Variants in ERBB4 observed in about 807,000 individuals in gnomAD.
ERBB4 encodes the protein erb-b2 receptor tyrosine kinase 4.
A neutral mutation model predicts 158.0 loss-of-function variants in ERBB4; 42 were observed. The ratio of observed to expected loss-of-function variants is 0.27; its 90% CI spans 0.21 to 0.34. The LOEUF (loss-of-function observed/expected upper bound fraction) is 0.34. ERBB4 is among the 10% of genes least tolerant of loss of function. The pLI, the probability that ERBB4 is intolerant of heterozygous loss-of-function variation, is 1.00. For missense variants in ERBB4, 1,333 were observed against 1,624.1 expected (o/e 0.82, Z 3.08); for synonymous variants, 583 against 558.7 (o/e 1.04, Z -0.61).
intron 8 of ERBB4, among the ~76,000 whole-genome samples, chr2:211,712,681 C>T (rs2073744682): frequency 1.3e-5 from 2 of 151,780 alleles, no homozygotes; most frequent in African/African-American, 2.4e-5. Context: ...GAATTATAAC[C>T]AAAATCAAGG....
rs1198209885 is a variant in ERBB4 at position 211,430,935 on chromosome 2, A to C, written c.2643+10T>G. On this transcript the variant is annotated intron_variant, in intron 21 of 27. Transcript: ENST00000342788. ...TTTTCAAGCAAGATTGCTCTCAAAAAGATACCCACCTTTCCTCCATCAGCA... is the reference window on the plus strand; with the variant it reads ...TTTTCAAGCAAGATTGCTCTCAAAACGATACCCACCTTTCCTCCATCAGCA... 6.2e-7 allele frequency: 1 copy of C among 1,610,128 alleles called. No individual in the cohort carries two copies. Among genetic ancestry groups the C allele is most frequent in the South Asian group, 1.1e-5 (1 of 90,992 alleles).
At chr2:212,148,513 C>G (rs2080758529) in intron 1 of ERBB4, among the ~76,000 whole-genome samples, 1 of 151,964 alleles carries the variant, frequency 6.6e-6, no homozygotes. Context: ...TAGGTACTTT[C>G]AAAGAGCTGA....
intron 3 of ERBB4, among the ~76,000 whole-genome samples, chr2:211,809,546 C>T (rs1269398103): frequency 6.6e-6 from 1 of 152,186 alleles, no homozygotes; most frequent in Non-Finnish European, 1.5e-5. Flanking sequence ...TCCCCTTTAT[C>T]GTTTTTTATT....
At chr2:212,287,300 C>G (rs543419520) in intron 1 of ERBB4, among the ~76,000 whole-genome samples, 3 of 152,110 alleles carry the variant, frequency 2.0e-5, no homozygotes. Context: ...GCCAGTCACA[C>G]TTGTAAGAGT....
At position 212,323,296 on chromosome 2, in the gene ERBB4, A is replaced by G. The variant is rs1435811030; in HGVS notation, c.83-198393T>C. ...TTTTCTCCAAATTAGCCATCATCCT[A>G]TCTAAGCTCAGTTGCTTTTGATGAA... On this transcript the variant is annotated intron_variant, in intron 1 of 27. Coordinates refer to ENST00000342788, the MANE Select transcript of ERBB4 (RefSeq NM_005235.3). Among the ~76,000 whole-genome samples the G allele has an allele frequency of 2.0e-5, 3 of 150,534 alleles. 1 individual carries two copies. The highest frequency in any genetic ancestry group is 4.5e-5 in the Non-Finnish European group (3 of 67,166).
At chr2:211,855,005 T>G (rs1477445427) in intron 3 of ERBB4, among the ~76,000 whole-genome samples, 2 of 152,144 alleles carry the variant, frequency 1.3e-5, no homozygotes, top group Non-Finnish European at 2.9e-5. Context: ...CATTCCTCCA[T>G]GTACTCAACA....
chr2:211,539,343 C>G (rs976589781), intron 20 of ERBB4, among the ~76,000 whole-genome samples: 2 of 151,878 alleles, frequency 1.3e-5, no homozygotes, highest in Non-Finnish European at 2.9e-5. Flanking sequence ...ATTGTAAAAA[C>G]TTTGCAAATG....
intron 2 of ERBB4, among the ~76,000 whole-genome samples, chr2:212,056,047 G>A (rs928779722): frequency 3.9e-5 from 6 of 152,276 alleles, no homozygotes; most frequent in African/African-American, 1.2e-4. Context: ...TTAGACAAAT[G>A]GGTAACTAGA....
chr2:211,502,290 C>G (rs566982996), intron 20 of ERBB4, among the ~76,000 whole-genome samples: 3 of 152,060 alleles, frequency 2.0e-5, no homozygotes, highest in African/African-American at 4.8e-5. Flanking sequence ...TATCATTTAA[C>G]AATGCAAAGG....
At chr2:212,044,476 CAG>C (rs1310615441) in intron 2 of ERBB4, among the ~76,000 whole-genome samples, 1 of 152,074 alleles carries the variant, frequency 6.6e-6, no homozygotes, top group African/African-American at 2.4e-5. Flanking sequence ...GATTTCGTAT[CAG>C]AGTTACTGTA....
At chr2:212,182,565 T>C (rs1296435642) in intron 1 of ERBB4, among the ~76,000 whole-genome samples, 1 of 151,794 alleles carries the variant, frequency 6.6e-6, no homozygotes, top group African/African-American at 2.4e-5. Flanking sequence ...CTCTGAACTG[T>C]TGTTTTTATT....
At chr2:212,153,574 G>A (rs536711259) in intron 1 of ERBB4, among the ~76,000 whole-genome samples, 9 of 152,182 alleles carry the variant, frequency 5.9e-5, no homozygotes, top group Admixed American at 2.0e-4. Flanking sequence ...AGCCAACACC[G>A]CATATTGTTG....
intron 1 of ERBB4, among the ~76,000 whole-genome samples, chr2:212,299,517 AC>A (rs2086542982): frequency 6.6e-6 from 1 of 151,650 alleles, no homozygotes; most frequent in African/African-American, 2.4e-5. Context: ...TTGAGTGTCG[AC>A]CATGTAAAAG....
chr2:212,034,129 A>G (rs1057352177), intron 2 of ERBB4, among the ~76,000 whole-genome samples: 1 of 151,818 alleles, frequency 6.6e-6, no homozygotes, highest in African/African-American at 2.4e-5. Context: ...TACATAATAA[A>G]GATAATTACC....
At chr2:212,220,933 T>C (rs757272390) in intron 1 of ERBB4, among the ~76,000 whole-genome samples, 8 of 151,586 alleles carry the variant, frequency 5.3e-5, no homozygotes, top group Non-Finnish European at 1.0e-4. Context: ...CTGGCTTCTA[T>C]AAAAGGATGT....
At chr2:211,763,428 C>A (rs971587872) in intron 4 of ERBB4, among the ~76,000 whole-genome samples, 1 of 152,154 alleles carries the variant, frequency 6.6e-6, no homozygotes, top group Admixed American at 6.5e-5. Context: ...GGAACCATTT[C>A]TTTTCCATAG....
rs2067408033 is a variant in ERBB4, at chr2:211,561,998, G to A, written c.2392C>T (p.Leu798Phe). Reference protein sequence around the residue: ...LSPTIQLVTQLMPHGCLLEYV... With the variant: ...LSPTIQLVTQFMPHGCLLEYV... The stretch of plus-strand genomic sequence containing the variant: ...TCCAACAGGCAGCCATGGGGCATAA[G>A]TTGAGTAACCAGCTGGATGGTTGGG... Residue 798 changes from leucine to phenylalanine, a missense_variant, in exon 20 of 28, where the codon CTT (leucine) becomes TTT (phenylalanine). Coordinates refer to ENST00000342788, the MANE Select transcript of ERBB4 (RefSeq NM_005235.3). The A allele has an allele frequency of 1.9e-6, 3 of 1,614,162 alleles. No individual in the cohort carries two copies. Among genetic ancestry groups the A allele is most frequent in the Non-Finnish European group, 1.7e-6 (2 of 1,180,024 alleles).
chr2:212,103,560 A>G (rs2079142321), intron 2 of ERBB4, among the ~76,000 whole-genome samples: 1 of 152,076 alleles, frequency 6.6e-6, no homozygotes, highest in Non-Finnish European at 1.5e-5. Flanking sequence ...CTGGATTTTG[A>G]CCAACCTGTT....
At chr2:212,258,006 T>C (rs2084803092) in intron 1 of ERBB4, among the ~76,000 whole-genome samples, 1 of 152,152 alleles carries the variant, frequency 6.6e-6, no homozygotes, top group African/African-American at 2.4e-5. Context: ...AAGTGGTTTA[T>C]GAAGTATTTT....
Sources: gnomAD v4.1 joint callset for allele counts (sites outside exome capture counted in the v4.1 genomes callset) on GRCh38, gnomAD v4.1.1 for gene constraint, MANE v1.5 for transcripts, NCBI Gene and HGNC (gene_info 2026-07-23, HGNC 2026-07-21) for gene names.